ARFGEF3: variants seen among roughly 807,000 people sequenced by gnomAD.
ARFGEF3 encodes ARFGEF family member 3, also known as brefeldin A-inhibited guanine nucleotide-exchange protein 3.
ARFGEF3 carries 96 observed loss-of-function variants against 221.7 expected under a neutral mutation model. That is an observed-to-expected ratio of 0.43 (90% confidence interval 0.37 to 0.51). The LOEUF is 0.51. Among genes scored for constraint, ARFGEF3 ranks in the 20% least tolerant of loss-of-function variants. The probability of loss-of-function intolerance (pLI) is 0.00; values close to 1 mark genes in which losing one functional copy is unlikely to be tolerated. For missense variants in ARFGEF3, 2,410 were observed against 2,789.9 expected (o/e 0.86, Z 3.07); for synonymous variants, 1,145 against 1,126.8 (o/e 1.02, Z -0.32).
At position 138,262,698 on chromosome 6, in the gene ARFGEF3, T is replaced by C. The variant is rs1778815492; in HGVS notation, c.1218-3T>C. 1.3e-6 allele frequency: 2 copies of C among 1,597,522 alleles called. No homozygotes were observed. Among genetic ancestry groups the C allele is most frequent in the Non-Finnish European group, 1.7e-6 (2 of 1,167,656 alleles). ...TCCATTTTCTCTTTTGAACACTGTT[T>C]AGCATCATGGATGGCATGACCGAAG... On this transcript the variant is annotated splice_region_variant and splice_polypyrimidine_tract_variant and intron_variant, in intron 11 of 33. Coordinates refer to ENST00000251691, the MANE Select transcript of ARFGEF3 (RefSeq NM_020340.5).
chr6:138,267,882 G>C (rs975382208), intron 12 of ARFGEF3, among the ~76,000 whole-genome samples: 5 of 152,132 alleles, frequency 3.3e-5, no homozygotes, highest in Non-Finnish European at 7.4e-5. Context: ...ACAAATGTTT[G>C]GTTGTTTTCA....
At chr6:138,303,533 A>T (rs908256327) in intron 22 of ARFGEF3, among the ~76,000 whole-genome samples, 2 of 152,158 alleles carry the variant, frequency 1.3e-5, no homozygotes, top group East Asian at 3.8e-4. Context: ...GGCCAGGCAC[A>T]GTGGCTCACT....
In ARFGEF3 at chr6:138,323,771, A is replaced by G; in HGVS notation, c.4867A>G (p.Lys1623Glu). 6.2e-7 allele frequency: 1 copy of G among 1,613,782 alleles called. No individual in the cohort carries two copies. Among genetic ancestry groups the G allele is most frequent in the Non-Finnish European group, 8.5e-7 (1 of 1,179,732 alleles). The change falls in exon 30 of 34, where the codon AAG becomes GAG. Residue 1623 changes from lysine (K) to glutamate (E), a missense_variant and splice_region_variant. Physicochemically the swap from Lys to Glu is moderately conservative, Grantham distance 56. Coordinates refer to ENST00000251691, the MANE Select transcript of ARFGEF3 (RefSeq NM_020340.5). ...DAFSATLKPV[K>E]DLLGCFHSGT... ...GTTCTCTGCCACACTCAAGCCAGTG[A>G]AGGTACATCACTGGGAGGAAGCCCT...
intron 15 of ARFGEF3, among the ~76,000 whole-genome samples, chr6:138,286,318 T>C (rs1338096467): frequency 2.0e-5 from 3 of 151,836 alleles, no homozygotes; most frequent in East Asian, 3.9e-4. Flanking sequence ...GGTGTGGTGG[T>C]GGGCACCTGT....
intron 19 of ARFGEF3, 143 bp from the exon 20 acceptor site, chr6:138,293,850 A>G: frequency 4.1e-6 from 3 of 735,822 alleles, no homozygotes; most frequent in Non-Finnish European, 6.6e-6. Flanking sequence ...CAGTTAGAAT[A>G]GATAGAATAA....
intron 4 of ARFGEF3, among the ~76,000 whole-genome samples, chr6:138,228,774 C>T (rs1452633035): frequency 6.6e-6 from 1 of 152,226 alleles, no homozygotes; most frequent in Admixed American, 6.5e-5. Context: ...CTTCCATGCT[C>T]CTTCATGAAT....
rs368816700 is a variant in ARFGEF3, at chr6:138,309,396, G to A, written c.4096+535G>A. Among the ~76,000 whole-genome samples, 15 of 152,178 alleles carry A rather than the reference G, an allele frequency of 9.9e-5. No homozygotes were observed. In the East Asian group the frequency reaches 1.5e-3, roughly 16 times the overall value. ...CATCTGGGTAGTTTCTGAAATACAC[G>A]AGGCTTTCAAGAAGGGGGACTTCTA... On this transcript the variant is annotated intron_variant, in intron 24 of 33. Transcript: ENST00000251691.
At chr6:138,265,313 A>G (rs926543463) in intron 12 of ARFGEF3, among the ~76,000 whole-genome samples, 2 of 152,248 alleles carry the variant, frequency 1.3e-5, no homozygotes, top group African/African-American at 4.8e-5. Flanking sequence ...GTAAAGAGAC[A>G]TGATTTCTCA....
chr6:138,245,891 T>A (rs145786152), intron 8 of ARFGEF3, among the ~76,000 whole-genome samples: 183 of 152,204 alleles, frequency 1.2e-3, no homozygotes, highest in African/African-American at 4.1e-3. Flanking sequence ...CTGGGCTGAG[T>A]GCTGGTTGGT....
chr6:138,272,357 A>T (rs770369979), intron 12 of ARFGEF3, among the ~76,000 whole-genome samples: 1 of 152,114 alleles, frequency 6.6e-6, no homozygotes, highest in African/African-American at 2.4e-5. Context: ...TGGTTTCACC[A>T]TGTTGGTCAG....
chr6:138,333,941 T>C (rs755609623), intron 32 of ARFGEF3, 29 bp from the exon 33 acceptor site: 9 of 1,575,900 alleles, frequency 5.7e-6, no homozygotes, highest in Non-Finnish European at 7.8e-6. Flanking sequence ...CAGAAAACCA[T>C]TAATCGAGCC....
At chr6:138,290,430 A>G (rs1779382212) in intron 18 of ARFGEF3, among the ~76,000 whole-genome samples, 1 of 150,126 alleles carries the variant, frequency 6.7e-6, no homozygotes, top group African/African-American at 2.5e-5. Flanking sequence ...CTAGACTGAA[A>G]CAAAACAAAA....
At chr6:138,232,903 A>T (rs538844443) in intron 5 of ARFGEF3, among the ~76,000 whole-genome samples, 11 of 152,146 alleles carry the variant, frequency 7.2e-5, no homozygotes, top group Non-Finnish European at 1.2e-4. Context: ...TATTGCAAAC[A>T]TGTACTGTTA....
intron 2 of ARFGEF3, among the ~76,000 whole-genome samples, chr6:138,202,438 C>T (rs887732874): frequency 2.0e-5 from 3 of 152,046 alleles, no homozygotes; most frequent in African/African-American, 7.2e-5. Context: ...AGTTATGCCC[C>T]ATGAATTTCC....
At chr6:138,262,444 A>C (rs374921667) in intron 11 of ARFGEF3, among the ~76,000 whole-genome samples, 2 of 152,122 alleles carry the variant, frequency 1.3e-5, no homozygotes, top group East Asian at 3.9e-4. Context: ...CGCCCACCTC[A>C]GCGTCCCAAA....
chr6:138,336,200 G>GA, intron 33 of ARFGEF3, 95 bp from the exon 34 acceptor site: 4 of 974,060 alleles, frequency 4.1e-6, no homozygotes, highest in Middle Eastern at 2.2e-4. Flanking sequence ...CTAAAGCCTG[G>GA]AAAAAAACCA....
chr6:138,258,127 A>C (rs776210095), intron 10 of ARFGEF3, among the ~76,000 whole-genome samples: 2 of 152,128 alleles, frequency 1.3e-5, no homozygotes, highest in African/African-American at 2.4e-5. Context: ...AGGCCGAGTT[A>C]CTGTGCCCAG....
At chr6:138,320,207 AAGC>A (rs1779998737) in intron 28 of ARFGEF3, among the ~76,000 whole-genome samples, 3 of 152,084 alleles carry the variant, frequency 2.0e-5, no homozygotes, top group Admixed American at 2.0e-4. Context: ...AAAAAAGAAG[AAGC>A]AGCAATATCC....
rs112705767 is a variant in ARFGEF3 at position 138,296,886 on chromosome 6, G to T, written c.3579G>T (p.Val1193=). ...TGGGGAATGCCATGCTGAGGATTGT[G>T]CGGAGCAAAGCACGGCCCCTGCTCC... The part of the protein sequence containing the change: ...FRLGNAMLRI[V]RSKARPLLHV... The change falls in exon 21 of 34, where the codon GTG becomes GTT. Residue 1193 remains valine, a synonymous_variant. Coordinates refer to ENST00000251691, the MANE Select transcript of ARFGEF3 (RefSeq NM_020340.5). 62 of 1,614,036 alleles carry T rather than the reference G, an allele frequency of 3.8e-5. 1 individual carries two copies. In the African/African-American group the frequency reaches 4.8e-4, roughly 12 times the overall value.
Sources: allele counts gnomAD v4.1 joint callset (sites outside exome capture counted in the v4.1 genomes callset), GRCh38; gene constraint gnomAD v4.1.1; transcripts MANE v1.5; gene names NCBI Gene and HGNC (gene_info 2026-07-23, HGNC 2026-07-21).